Variants in PRKCA observed in about 807,000 individuals in gnomAD.
The protein encoded by PRKCA is protein kinase C alpha type.
Under a neutral mutation model 87.0 loss-of-function variants are expected in PRKCA, and 27 were observed. That is an observed-to-expected ratio of 0.31 (90% CI 0.23 to 0.43). The LOEUF is 0.43. PRKCA is among the 20% of genes least tolerant of loss of function. The probability of loss-of-function intolerance (pLI) is 1.00; values close to 1 mark genes in which losing one functional copy is unlikely to be tolerated. For missense variants in PRKCA, 518 were observed against 852.3 expected (o/e 0.61, Z 4.88); for synonymous variants, 329 against 311.1 (o/e 1.06, Z -0.61).
chr17:66,431,999 A>T (rs1209126782), intron 2 of PRKCA, among the ~76,000 whole-genome samples: 1 of 151,960 alleles, frequency 6.6e-6, no homozygotes, highest in African/African-American at 2.4e-5. Context: ...CCCTTTTTTT[A>T]TCCTTAGGCT....
chr17:66,335,584 T>A (rs9905819), intron 2 of PRKCA, among the ~76,000 whole-genome samples: 3 of 150,524 alleles, frequency 2.0e-5, no homozygotes, highest in Admixed American at 6.6e-5. Flanking sequence ...CTCCCCCCAC[T>A]GCCCAAAAAA....
intron 2 of PRKCA, among the ~76,000 whole-genome samples, chr17:66,367,345 A>G (rs1291964363): frequency 1.3e-5 from 2 of 152,352 alleles, no homozygotes; most frequent in Admixed American, 6.5e-5. Context: ...CTGTGGATAA[A>G]AGACTTAGTG....
chr17:66,499,799 G>T (rs952761718), intron 3 of PRKCA, among the ~76,000 whole-genome samples: 1 of 152,034 alleles, frequency 6.6e-6, no homozygotes, highest in African/African-American at 2.4e-5. Context: ...AGAGAAAGAG[G>T]TATATTAGAT....
At chr17:66,371,848 G>A (rs1279503723) in intron 2 of PRKCA, among the ~76,000 whole-genome samples, 1 of 152,154 alleles carries the variant, frequency 6.6e-6, no homozygotes, top group Non-Finnish European at 1.5e-5. Context: ...GGTTCTTTGG[G>A]CACAAGGCAA....
chr17:66,720,231 G>A (rs552205322), intron 8 of PRKCA, among the ~76,000 whole-genome samples: 7 of 152,196 alleles, frequency 4.6e-5, no homozygotes, highest in Non-Finnish European at 7.3e-5. Flanking sequence ...AGGGAGTCCC[G>A]TGCCTATCTG....
At chr17:66,655,008 C>A (rs1053496670) in intron 5 of PRKCA, among the ~76,000 whole-genome samples, 6 of 152,202 alleles carry the variant, frequency 3.9e-5, no homozygotes, top group Non-Finnish European at 7.3e-5. Context: ...CCTGCTCTCA[C>A]GTTCTCACAG....
intron 3 of PRKCA, among the ~76,000 whole-genome samples, chr17:66,536,328 G>A (rs1938111420): frequency 6.6e-6 from 1 of 152,222 alleles, no homozygotes; most frequent in African/African-American, 2.4e-5. Context: ...GAATGCAGAT[G>A]TCTGACTTGG....
At chr17:66,610,666 G>T (rs149582559) in intron 3 of PRKCA, among the ~76,000 whole-genome samples, 1 of 152,310 alleles carries the variant, frequency 6.6e-6, no homozygotes, top group East Asian at 1.9e-4. Context: ...TTCTGCAGAA[G>T]GGTGCTTCCT....
At chr17:66,529,030 G>A (rs981701237) in intron 3 of PRKCA, among the ~76,000 whole-genome samples, 8 of 152,310 alleles carry the variant, frequency 5.3e-5, no homozygotes, top group African/African-American at 1.7e-4. Flanking sequence ...TAATGGAGAA[G>A]CCAGTTTCTT....
intron 2 of PRKCA, among the ~76,000 whole-genome samples, chr17:66,442,951 A>G (rs918049934): frequency 2.6e-5 from 4 of 152,192 alleles, no homozygotes; most frequent in Admixed American, 2.6e-4. Flanking sequence ...AAACGCTGCC[A>G]TTGTTGACCT....
intron 4 of PRKCA, among the ~76,000 whole-genome samples, chr17:66,643,034 T>G (rs1307794541): frequency 6.6e-6 from 1 of 151,978 alleles, no homozygotes; most frequent in Non-Finnish European, 1.5e-5. Context: ...AGAGTGAAAC[T>G]CGGTCTCAAA....
intron 2 of PRKCA, among the ~76,000 whole-genome samples, chr17:66,380,323 T>C (rs922521355): frequency 1.3e-5 from 2 of 152,116 alleles, no homozygotes; most frequent in Non-Finnish European, 2.9e-5. Flanking sequence ...ATTTCTGTAG[T>C]TTTACTCAGG....
intron 3 of PRKCA, among the ~76,000 whole-genome samples, chr17:66,567,724 G>A (rs1290007013): frequency 2.6e-5 from 4 of 152,120 alleles, no homozygotes; most frequent in African/African-American, 9.7e-5. Flanking sequence ...GATCCACCTC[G>A]GAGCCAGACA....
intron 4 of PRKCA, among the ~76,000 whole-genome samples, chr17:66,644,491 G>A (rs941005160): frequency 1.3e-5 from 2 of 152,068 alleles, no homozygotes; most frequent in African/African-American, 4.8e-5. Flanking sequence ...CCGGCACACA[G>A]GATTCTTTTC....
At chr17:66,303,161 G>C (rs1173779876) in intron 1 of PRKCA, 137 bp downstream of exon 1, 6 of 1,212,052 alleles carry the variant, frequency 5.0e-6, no homozygotes, top group Non-Finnish European at 6.7e-6. Context: ...TCTTCGCCCG[G>C]AGTGACACGC....
intron 3 of PRKCA, among the ~76,000 whole-genome samples, chr17:66,636,976 G>A (rs1018563129): frequency 1.1e-4 from 16 of 152,104 alleles, no homozygotes; most frequent in African/African-American, 2.7e-4. Context: ...TATTACTGTC[G>A]TTGTAATTCA....
chr17:66,778,782 C>CTGCTA, intron 14 of PRKCA, among the ~76,000 whole-genome samples: 1 of 147,274 alleles, frequency 6.8e-6, no homozygotes, highest in Non-Finnish European at 1.5e-5. Flanking sequence ...TCAAGGCTAG[C>CTGCTA]AGTGAGCTGT....
rs144852247 is a variant in PRKCA, at chr17:66,500,832, A to G, written c.288+4549A>G. 4.3e-3 allele frequency among the ~76,000 whole-genome samples: 656 copies of G among 152,358 alleles called. 9 individuals carry two copies. The highest frequency in any genetic ancestry group is 0.015 in the African/African-American group (635 of 41,588). ...TTTCAGTGTCTTAGAAATCAATCCA[A>G]TAAAAAATGCCTGCTGGCAGGCTCA... On this transcript the variant is annotated intron_variant, in intron 3 of 16. Transcript: ENST00000413366.
At chr17:66,538,621 A>C (rs1009724384) in intron 3 of PRKCA, among the ~76,000 whole-genome samples, 1 of 152,208 alleles carries the variant, frequency 6.6e-6, no homozygotes, top group African/African-American at 2.4e-5. Context: ...GTGAGAATTA[A>C]GTAATGAGTA....
Sources: gnomAD v4.1 joint callset for allele counts (sites outside exome capture counted in the v4.1 genomes callset) on GRCh38, gnomAD v4.1.1 for gene constraint, MANE v1.5 for transcripts, NCBI Gene and HGNC (gene_info 2026-07-23, HGNC 2026-07-21) for gene names.